The following TIMM21 variants were observed in gnomAD, a reference collection of about 807,000 sequenced individuals.
The protein encoded by TIMM21 is mitochondrial import inner membrane translocase subunit Tim21.
Under a neutral mutation model 27.7 loss-of-function variants are expected in TIMM21, and 30 were observed. The ratio of observed to expected loss-of-function variants is 1.08; its 90% CI spans 0.81 to 1.47. The LOEUF is 1.47. TIMM21 is among the 40% of genes most tolerant of loss of function. The pLI, the probability that TIMM21 is intolerant of heterozygous loss-of-function variation, is 0.00. For missense variants in TIMM21, 292 were observed against 302.9 expected, an observed-to-expected ratio of 0.96 and a Z score of 0.27; for synonymous variants, 121 against 114.4, an observed-to-expected ratio of 1.06 and a Z score of -0.37.
rs760309883 is a variant in TIMM21, at chr18:74,149,003, C to T, written c.195C>T (p.Ile65=). The change falls in exon 1 of 6, where the codon ATC becomes ATT. Residue 65 remains isoleucine, a synonymous_variant. Coordinates refer to ENST00000169551, the MANE Select transcript of TIMM21 (RefSeq NM_014177.3). ...RCILGVTQKT[I]WTQGPSPRKA... is the part of the protein sequence containing the mutation. ...TTCTTGGAGTCACCCAGAAAACCATCTGGACGCAGGGACCGAGCCCCCGAA... is the reference window on the plus strand; with the variant it reads ...TTCTTGGAGTCACCCAGAAAACCATTTGGACGCAGGGACCGAGCCCCCGAA... The T allele has an allele frequency of 1.2e-6, 2 of 1,614,158 alleles. No individual in the cohort carries two copies. Among genetic ancestry groups the T allele is most frequent in the South Asian group, 1.1e-5 (1 of 91,070 alleles).
chr18:74,151,684 G>T (rs1290353369), intron 1 of TIMM21, among the ~76,000 whole-genome samples: 1 of 152,274 alleles, frequency 6.6e-6, no homozygotes, highest in African/African-American at 2.4e-5. Context: ...ATCTATGGTA[G>T]CATCCCCATT....
At position 74,158,720 on chromosome 18, in the gene TIMM21, T is replaced by C. The variant is rs1980026592; in HGVS notation, c.*240T>C. 1 of 392,296 alleles carries C rather than the reference T, an allele frequency of 2.5e-6. No homozygotes were observed. The highest frequency in any genetic ancestry group is 2.1e-5 in the African/African-American group (1 of 47,442). 24.3% of individuals were successfully genotyped at this position (392,296 alleles called of 1,614,324 possible). On this transcript the variant is annotated 3_prime_UTR_variant, in exon 6 of 6. Coordinates refer to ENST00000169551, the MANE Select transcript of TIMM21 (RefSeq NM_014177.3). ...TGACAATATTTCTGCTTTAACACCA[T>C]CTTTCATGATTAGAAATGTTTGTTA...
chr18:74,149,259 T>C lies in TIMM21; in HGVS notation c.301+150T>C, dbSNP rs76201048. The C allele has an allele frequency of 7.6e-3, 6,449 of 849,288 alleles. 32 individuals carry two copies. Among genetic ancestry groups the C allele is most frequent in the Admixed American group, 0.01 (350 of 33,594 alleles). 52.6% of individuals were successfully genotyped at this position (849,288 alleles called of 1,614,324 possible). On this transcript the variant is annotated intron_variant, in intron 1 of 5. Transcript: ENST00000169551. ...AAACATAATTTAGAACTAGAACATA[T>C]AGATCTACAGTTTTCTTCACAGATT...
At chr18:74,154,871 G>A (rs868461461) in intron 1 of TIMM21, among the ~76,000 whole-genome samples, 5 of 152,150 alleles carry the variant, frequency 3.3e-5, no homozygotes, top group Admixed American at 6.5e-5. Flanking sequence ...CCTAATCTGG[G>A]AGTGTTGCCT....
chr18:74,148,885 C>G lies in TIMM21; in HGVS notation c.77C>G (p.Pro26Arg). ...HRSSAKRLLL[P>R]YIVLNKACLK... ...TCCTCGGCAAAGCGATTGCTTTTGC[C>G]ATACATCGTGCTTAACAAAGCGTGC... is the stretch of plus-strand genomic sequence containing the variant. The change falls in exon 1 of 6, where the codon CCA becomes CGA. Residue 26 changes from proline (P) to arginine (R), a missense_variant. Physicochemically the swap from Pro to Arg is moderately radical, Grantham distance 103. Transcript: ENST00000169551. 6.2e-7 allele frequency: 1 copy of G among 1,614,134 alleles called. No homozygotes were observed. The highest frequency in any genetic ancestry group is 8.5e-7 in the Non-Finnish European group (1 of 1,180,010).
In TIMM21 at chr18:74,148,879, T is replaced by G. The variant is rs745632196; in HGVS notation, c.71T>G (p.Leu24Arg). 5.6e-6 allele frequency: 9 copies of G among 1,614,186 alleles called. No homozygotes were observed. In the East Asian group the frequency reaches 1.8e-4, roughly 32 times the overall value. Residue 24 changes from leucine to arginine, a missense_variant, in exon 1 of 6, where the codon CTT becomes CGT. Coordinates refer to ENST00000169551, the MANE Select transcript of TIMM21 (RefSeq NM_014177.3). Reference protein sequence around the residue: ...KLHRSSAKRLLLPYIVLNKAC... With the variant: ...KLHRSSAKRLRLPYIVLNKAC... ...CACAGGTCCTCGGCAAAGCGATTGC[T>G]TTTGCCATACATCGTGCTTAACAAA...
chr18:74,157,979 A>G (rs201761353), intron 3 of TIMM21, 35 bp from the exon 4 acceptor site: 15 of 1,603,374 alleles, frequency 9.4e-6, no homozygotes, highest in Non-Finnish European at 1.3e-5. Flanking sequence ...GCTTAAAAAA[A>G]TAACACAAAA....
At chr18:74,157,888 G>A (rs1023539293) in intron 3 of TIMM21, 126 bp from the exon 4 acceptor site, 3 of 985,410 alleles carry the variant, frequency 3.0e-6, no homozygotes, top group Non-Finnish European at 4.5e-6. Context: ...AGCCAGGAGT[G>A]GTCATTTTTG....
Position 74,148,557 on chromosome 18 carries a change from G to T in TIMM21, c.-252G>T. On this transcript the variant is annotated 5_prime_UTR_variant, in exon 1 of 6. The change abolishes the stop of an existing upstream ORF in the 5' untranslated region. Transcript: ENST00000169551. The stretch of plus-strand genomic sequence containing the variant: ...TGCGAAGGCATGGCGGGGACACTGT[G>T]AATGTCAGCCCAGAAGGTGATCAGA... 2.7e-6 allele frequency: 1 copy of T among 372,000 alleles called. No individual in the cohort carries two copies. Among genetic ancestry groups the T allele is most frequent in the Non-Finnish European group, 4.9e-6 (1 of 204,050 alleles). 23.0% of individuals were successfully genotyped at this position (372,000 alleles called of 1,614,324 possible). A position where few individuals can be genotyped will look rare whatever the true frequency, so the allele number is the denominator to read the frequency against.
At chr18:74,155,508 T>C in intron 3 of TIMM21, 105 bp downstream of exon 3, 1 of 895,576 alleles carries the variant, frequency 1.1e-6, no homozygotes, top group Non-Finnish European at 1.7e-6. Context: ...CTAGTGAAAT[T>C]CACATAATAA....
chr18:74,159,365 C>T lies in TIMM21; in HGVS notation c.*885C>T, dbSNP rs911828969. 6.6e-6 allele frequency: 1 copy of T among 151,266 alleles called. No individual in the cohort carries two copies. The highest frequency in any genetic ancestry group is 2.4e-5 in the African/African-American group (1 of 41,118). 9.4% of individuals were successfully genotyped at this position (151,266 alleles called of 1,614,324 possible). A position where few individuals can be genotyped will look rare whatever the true frequency, so the allele number is the denominator to read the frequency against. ...AAAAGTGACCTTCACTTACAAGATC[C>T]TGATTCCATATCTATGTAAGTGCTA... is the stretch of plus-strand genomic sequence containing the variant. On this transcript the variant is annotated 3_prime_UTR_variant, in exon 6 of 6. Transcript: ENST00000169551.
At chr18:74,156,012 G>A (rs552162340) in intron 3 of TIMM21, among the ~76,000 whole-genome samples, 1 of 152,280 alleles carries the variant, frequency 6.6e-6, no homozygotes, top group African/African-American at 2.4e-5. Context: ...TGGGAGGAGT[G>A]GACATGGGGA....
chr18:74,151,716 C>T (rs1979805024), intron 1 of TIMM21, among the ~76,000 whole-genome samples: 2 of 152,134 alleles, frequency 1.3e-5, no homozygotes, highest in African/African-American at 2.4e-5. Flanking sequence ...TTGAGCCTTT[C>T]GTCCAGTTTG....
In TIMM21 at chr18:74,149,014, G is replaced by C; in HGVS notation, c.206G>C (p.Gly69Ala). Residue 69 changes from glycine (G) to alanine (A), a missense_variant, in exon 1 of 6, where the codon GGA (glycine) becomes GCA (alanine). Gly to Ala is a moderately conservative substitution (Grantham distance 60). Coordinates refer to ENST00000169551, the MANE Select transcript of TIMM21 (RefSeq NM_014177.3). ...GVTQKTIWTQ[G>A]PSPRKAKEDG... is the part of the protein sequence containing the mutation. ...ACCCAGAAAACCATCTGGACGCAGG[G>C]ACCGAGCCCCCGAAAAGCAAAGGAG... 1 of 1,614,142 alleles carries C rather than the reference G, an allele frequency of 6.2e-7. No homozygotes were observed. The highest frequency in any genetic ancestry group is 8.5e-7 in the Non-Finnish European group (1 of 1,180,030).
intron 1 of TIMM21, 73 bp downstream of exon 1, chr18:74,149,182 G>C (rs1436587225): frequency 7.4e-6 from 11 of 1,496,176 alleles, no homozygotes; most frequent in South Asian, 1.3e-5. Flanking sequence ...TTTATACCAA[G>C]TTCACTGCTA....
rs151131593 is a variant in TIMM21 at position 74,149,079 on chromosome 18, G to T, written c.271G>T (p.Gly91Trp). 4 of 1,611,004 alleles carry T rather than the reference G, an allele frequency of 2.5e-6. No homozygotes were observed. In the African/African-American group the frequency reaches 4.0e-5, roughly 16 times the overall value. Reference sequence around the variant, plus strand: ...AGTGTCTGTGCACAGGAGTCAGAGAGGGGGAACCGCCGTCCCAACATCACA... The same window carrying T: ...AGTGTCTGTGCACAGGAGTCAGAGATGGGGAACCGCCGTCCCAACATCACA... The part of the protein sequence containing the change: ...KQVSVHRSQR[G>W]GTAVPTSQKV... The change falls in exon 1 of 6, where the codon GGG (glycine) becomes TGG (tryptophan). Residue 91 changes from glycine (G) to tryptophan (W), a missense_variant. Gly to Trp is a radical substitution (Grantham distance 184, BLOSUM62 -2). Coordinates refer to ENST00000169551, the MANE Select transcript of TIMM21 (RefSeq NM_014177.3).
intron 1 of TIMM21, among the ~76,000 whole-genome samples, chr18:74,153,141 T>A (rs1478422759): frequency 1.3e-5 from 2 of 151,948 alleles, no homozygotes; most frequent in Non-Finnish European, 2.9e-5. Context: ...GGCATGAGGG[T>A]TTTTTGCATA....
intron 1 of TIMM21, among the ~76,000 whole-genome samples, chr18:74,154,696 C>A (rs1168449088): frequency 6.6e-6 from 1 of 152,204 alleles, no homozygotes; most frequent in Non-Finnish European, 1.5e-5. Flanking sequence ...ATTCATAAAT[C>A]TTTCTGGCCA....
Position 74,158,225 on chromosome 18 carries a change from T to A in TIMM21, c.591T>A (p.Ile197=). ...GLKHTCVKFY[I]EGSEPGKQGT... ...AACACACGTGTGTGAAATTCTACAT[T>A]GAGGGCTCTGAGCCAGGGAAGCAAG... is the stretch of plus-strand genomic sequence containing the variant. The change falls in exon 5 of 6, where the codon ATT becomes ATA. Residue 197 remains isoleucine, a synonymous_variant. Coordinates refer to ENST00000169551, the MANE Select transcript of TIMM21 (RefSeq NM_014177.3). 4 of 1,614,140 alleles carry A rather than the reference T, an allele frequency of 2.5e-6. No individual in the cohort carries two copies. The highest frequency in any genetic ancestry group is 3.4e-6 in the Non-Finnish European group (4 of 1,180,030).
Sources: allele counts gnomAD v4.1 joint callset (sites outside exome capture counted in the v4.1 genomes callset), GRCh38; gene constraint gnomAD v4.1.1; transcripts MANE v1.5; gene names NCBI Gene and HGNC (gene_info 2026-07-23, HGNC 2026-07-21).